GRB14: variants seen among roughly 807,000 people sequenced by gnomAD.
GRB14 encodes the protein growth factor receptor-bound protein 14.
A neutral mutation model predicts 69.1 loss-of-function variants in GRB14; 38 were observed. The observed-to-expected ratio is 0.55, with a 90% CI of 0.42 to 0.72. GRB14 has a LOEUF of 0.72. Ranked by LOEUF, GRB14 falls within the 30% of genes least tolerant of loss-of-function variation. The pLI, the probability that GRB14 is intolerant of heterozygous loss-of-function variation, is 0.00. For missense variants in GRB14, 666 were observed against 666.1 expected, an observed-to-expected ratio of 1.00 and a Z score of 0.00; for synonymous variants, 247 against 241.3, an observed-to-expected ratio of 1.02 and a Z score of -0.22.
At chr2:164,509,452 A>G (rs1482457007) in intron 6 of GRB14, among the ~76,000 whole-genome samples, 1 of 152,218 alleles carries the variant, frequency 6.6e-6, no homozygotes, top group East Asian at 1.9e-4. Flanking sequence ...CTGATTTTCA[A>G]CGCAAAGTGG....
chr2:164,554,912 T>C lies in GRB14; in HGVS notation c.325-7096A>G, dbSNP rs185319497. ...AACAATGTTAAAGCACAAGAAGAAA[T>C]GGTAACTTTTCAGAAAAAAAAACTT... On this transcript the variant is annotated intron_variant, in intron 2 of 13. Coordinates refer to ENST00000263915, the MANE Select transcript of GRB14 (RefSeq NM_004490.3). Among the ~76,000 whole-genome samples the C allele has an allele frequency of 5.4e-3, 801 of 147,580 alleles. 7 individuals are homozygous for C. Among genetic ancestry groups the C allele is most frequent in the Middle Eastern group, 0.014 (4 of 290 alleles).
At chr2:164,494,666 A>C (rs1686845792) in intron 12 of GRB14, 142 bp from the exon 13 acceptor site, 1 of 673,484 alleles carries the variant, frequency 1.5e-6, no homozygotes, top group African/African-American at 1.8e-5. Context: ...GGATTATCCA[A>C]CTTGGCAATC....
chr2:164,530,366 T>G (rs1687893153), intron 3 of GRB14, among the ~76,000 whole-genome samples: 1 of 152,120 alleles, frequency 6.6e-6, no homozygotes, highest in African/African-American at 2.4e-5. Context: ...CCTGCCCTCA[T>G]GACCCAAACA....
At chr2:164,564,933 C>T (rs1405298700) in intron 2 of GRB14, among the ~76,000 whole-genome samples, 3 of 152,038 alleles carry the variant, frequency 2.0e-5, no homozygotes, top group East Asian at 1.9e-4. Flanking sequence ...GAGAATCGTT[C>T]GAACCCAGGA....
Position 164,621,215 on chromosome 2 carries a change from CCCTGGGCAGCGCCACACA to C in GRB14, c.77_94del (p.Val26_Gln31del), listed in dbSNP as rs756769620. On this transcript the variant is annotated inframe_deletion, in exon 1 of 14. Coordinates refer to ENST00000263915, the MANE Select transcript of GRB14 (RefSeq NM_004490.3). The surrounding 1 kb of genome is among the most constrained non-coding windows in gnomAD (Gnocchi z 6.0). Reference sequence around the variant, plus strand: ...CGCCAGGTCGTGGGCGTCGCCCCTCCCCTGGGCAGCGCCACACACCTGGGCGGCCAGCGGCGAATCCCG... The same window carrying C: ...CGCCAGGTCGTGGGCGTCGCCCCTCCCCTGGGCGGCCAGCGGCGAATCCCG... The C allele has an allele frequency of 4.0e-6, 5 of 1,247,260 alleles. No individual in the cohort carries two copies. In the South Asian group the frequency reaches 2.0e-4, roughly 49 times the overall value. 77.3% of individuals were successfully genotyped at this position (1,247,260 alleles called of 1,614,324 possible). A position where few individuals can be genotyped will look rare whatever the true frequency, so the allele number is the denominator to read the frequency against.
At chr2:164,532,432 C>T (rs1183786418) in intron 3 of GRB14, among the ~76,000 whole-genome samples, 2 of 152,164 alleles carry the variant, frequency 1.3e-5, no homozygotes, top group Admixed American at 1.3e-4. Context: ...AGGTCCTAAT[C>T]TCTAGAACCT....
At chr2:164,496,821 C>T (rs1246489510) in intron 12 of GRB14, among the ~76,000 whole-genome samples, 187 bp downstream of exon 12, 1 of 152,080 alleles carries the variant, frequency 6.6e-6, no homozygotes, top group Non-Finnish European at 1.5e-5. Flanking sequence ...ATACCAGACA[C>T]ACACTATGTA....
chr2:164,575,462 A>G (rs1181980413), intron 2 of GRB14, among the ~76,000 whole-genome samples: 1 of 152,208 alleles, frequency 6.6e-6, no homozygotes, highest in East Asian at 1.9e-4. Flanking sequence ...AATATGAGCC[A>G]TAACAATTTA....
intron 2 of GRB14, among the ~76,000 whole-genome samples, chr2:164,592,265 G>C (rs549865886): frequency 6.6e-6 from 1 of 152,164 alleles, no homozygotes; most frequent in South Asian, 2.1e-4. Context: ...CTTCCAAGTA[G>C]CTGGGACTAC....
intron 9 of GRB14, 34 bp from the exon 10 acceptor site, chr2:164,497,524 T>A: frequency 7.5e-7 from 1 of 1,330,164 alleles, no homozygotes; most frequent in South Asian, 1.3e-5. Flanking sequence ...GTTATGAAAA[T>A]TTCTTTGAAA....
intron 2 of GRB14, among the ~76,000 whole-genome samples, chr2:164,594,147 A>AT (rs1689732283): frequency 6.6e-6 from 1 of 151,262 alleles, no homozygotes; most frequent in South Asian, 2.1e-4. Context: ...AGTCTGTCTA[A>AT]TAAAAAAAAA....
intron 2 of GRB14, among the ~76,000 whole-genome samples, chr2:164,570,298 A>AG: frequency 6.6e-6 from 1 of 151,490 alleles, no homozygotes; most frequent in South Asian, 2.1e-4. Context: ...AAAAAAAAAA[A>AG]AAGTGTTATC....
chr2:164,543,633 G>A (rs775880258), intron 3 of GRB14, among the ~76,000 whole-genome samples: 20 of 152,148 alleles, frequency 1.3e-4, no homozygotes, highest in Non-Finnish European at 2.4e-4. Flanking sequence ...AGCACTCACA[G>A]AAGACTTGCA....
intron 2 of GRB14, among the ~76,000 whole-genome samples, chr2:164,553,698 C>T (rs1178604619): frequency 1.3e-5 from 2 of 152,160 alleles, no homozygotes; most frequent in African/African-American, 4.8e-5. Flanking sequence ...AGTGCGGTGG[C>T]TCACACCTGT....
intron 2 of GRB14, among the ~76,000 whole-genome samples, chr2:164,592,407 T>TA (rs1689687270): frequency 6.6e-6 from 1 of 152,202 alleles, no homozygotes. Flanking sequence ...GTGCTGGGAT[T>TA]ACAGGCGTGA....
intron 3 of GRB14, among the ~76,000 whole-genome samples, chr2:164,531,322 T>C (rs1405459224): frequency 6.6e-6 from 1 of 152,230 alleles, no homozygotes; most frequent in Non-Finnish European, 1.5e-5. Flanking sequence ...AAATGCACTA[T>C]GTGCTAAGCA....
chr2:164,568,377 T>C (rs1689036943), intron 2 of GRB14: 7 of 1,288,074 alleles, frequency 5.4e-6, no homozygotes, highest in Non-Finnish European at 7.1e-6. Flanking sequence ...CTCAAACTCA[T>C]GCCTGCTCTT....
At chr2:164,575,296 C>T (rs1402016466) in intron 2 of GRB14, among the ~76,000 whole-genome samples, 1 of 152,136 alleles carries the variant, frequency 6.6e-6, no homozygotes, top group Non-Finnish European at 1.5e-5. Context: ...ATCTTGTTTT[C>T]ATAGGATCTT....
intron 3 of GRB14, among the ~76,000 whole-genome samples, chr2:164,529,804 G>C (rs1431049626): frequency 6.6e-6 from 1 of 152,170 alleles, no homozygotes; most frequent in African/African-American, 2.4e-5. Context: ...GTGTATGAAT[G>C]TGAACCCTGC....
Sources: allele counts gnomAD v4.1 joint callset (sites outside exome capture counted in the v4.1 genomes callset), GRCh38; gene constraint gnomAD v4.1.1; non-coding constraint Gnocchi (gnomAD v3.1); transcripts MANE v1.5; gene names NCBI Gene and HGNC (gene_info 2026-07-23, HGNC 2026-07-21).